Variants in CDC73 observed in about 807,000 individuals in gnomAD.
The protein encoded by CDC73 is parafibromin.
In CDC73, 21 loss-of-function variants were observed where a neutral mutation model predicts 83.7. The observed-to-expected ratio is 0.25, with a 90% CI of 0.18 to 0.36. CDC73 has a LOEUF of 0.36. Ranked by LOEUF, CDC73 falls within the 10% of genes least tolerant of loss-of-function variation. The pLI is 1.00. For missense variants in CDC73, 342 were observed against 653.3 expected, an observed-to-expected ratio of 0.52 and a Z score of 5.19; for synonymous variants, 224 against 212.9, an observed-to-expected ratio of 1.05 and a Z score of -0.45.
intron 10 of CDC73, among the ~76,000 whole-genome samples, chr1:193,173,507 T>C (rs1220267250): frequency 6.6e-6 from 1 of 152,192 alleles, no homozygotes; most frequent in Non-Finnish European, 1.5e-5. Context: ...TAAATAATAT[T>C]GATGTAATCC....
intron 10 of CDC73, chr1:193,180,152 T>C (rs1214960823): frequency 4.1e-6 from 3 of 736,306 alleles, no homozygotes; most frequent in Non-Finnish European, 6.0e-6. Flanking sequence ...AATTAACTTC[T>C]TCAGAAATTA....
At chr1:193,243,142 C>T (rs1233863563) in intron 15 of CDC73, among the ~76,000 whole-genome samples, 1 of 152,040 alleles carries the variant, frequency 6.6e-6, no homozygotes, top group East Asian at 1.9e-4. Context: ...GACGGGGTTT[C>T]ATCATGTTGG....
At chr1:193,153,068 T>C (rs184849271) in intron 10 of CDC73, among the ~76,000 whole-genome samples, 1 of 152,104 alleles carries the variant, frequency 6.6e-6, no homozygotes. Context: ...GTGCCCAGCC[T>C]TGTTTTTAAC....
chr1:193,254,784 A>G lies in CDC73; in HGVS notation c.*4072A>G, dbSNP rs1365881249. 1.3e-5 allele frequency among the ~76,000 whole-genome samples: 2 copies of G among 152,220 alleles called. No homozygotes were observed. Among genetic ancestry groups the G allele is most frequent in the Non-Finnish European group, 2.9e-5 (2 of 68,022 alleles). ...TTTTTATATGAGTAAAGCTAATGAA[A>G]TAAAACTAGTTTTATTGCCAAAATT... On this transcript the variant is annotated 3_prime_UTR_variant, in exon 17 of 17. Transcript: ENST00000367435.
chr1:193,214,439 T>C (rs947397025), intron 13 of CDC73, among the ~76,000 whole-genome samples: 2 of 152,150 alleles, frequency 1.3e-5, no homozygotes, highest in Admixed American at 6.6e-5. Context: ...GATTATTGGC[T>C]GGGCACGGTG....
At chr1:193,187,720 TTC>T (rs1467576225) in intron 10 of CDC73, among the ~76,000 whole-genome samples, 6 of 151,180 alleles carry the variant, frequency 4.0e-5, no homozygotes, top group Non-Finnish European at 8.9e-5. Flanking sequence ...TGAATTTGTT[TTC>T]TCTGATATTA....
chr1:193,170,119 A>C (rs1676495448), intron 10 of CDC73, among the ~76,000 whole-genome samples: 1 of 152,094 alleles, frequency 6.6e-6, no homozygotes, highest in Admixed American at 6.5e-5. Context: ...CCTGCAAAGG[A>C]TATGATCTCA....
chr1:193,230,946 A>G (rs922109805), intron 13 of CDC73, among the ~76,000 whole-genome samples: 1 of 152,210 alleles, frequency 6.6e-6, no homozygotes, highest in Non-Finnish European at 1.5e-5. Context: ...ATACGTAGAT[A>G]TAATCAGAAA....
At chr1:193,161,561 G>A (rs1331713822) in intron 10 of CDC73, among the ~76,000 whole-genome samples, 5 of 121,956 alleles carry the variant, frequency 4.1e-5, no homozygotes, top group South Asian at 2.3e-4. Flanking sequence ...TTATACACAC[G>A]CATATATATA....
chr1:193,230,737 G>A (rs1256319667), intron 13 of CDC73, among the ~76,000 whole-genome samples: 1 of 152,000 alleles, frequency 6.6e-6, no homozygotes, highest in Non-Finnish European at 1.5e-5. Flanking sequence ...CAATCATTGT[G>A]TCTTAGATTT....
chr1:193,207,192 G>A (rs1447118889), intron 11 of CDC73, among the ~76,000 whole-genome samples: 1 of 152,102 alleles, frequency 6.6e-6, no homozygotes, highest in African/African-American at 2.4e-5. Flanking sequence ...ATTTTAAAAA[G>A]GGAGGGGTTT....
intron 13 of CDC73, among the ~76,000 whole-genome samples, chr1:193,221,384 G>T (rs1017201301): frequency 6.6e-6 from 1 of 151,354 alleles, no homozygotes; most frequent in African/African-American, 2.4e-5. Flanking sequence ...GTATTGTGTT[G>T]TTTTTTTGTT....
intron 13 of CDC73, among the ~76,000 whole-genome samples, chr1:193,216,746 C>A (rs973264454): frequency 6.6e-6 from 1 of 152,086 alleles, no homozygotes; most frequent in Non-Finnish European, 1.5e-5. Flanking sequence ...ACTAAAACAC[C>A]CTCATCAAAT....
At chr1:193,210,272 A>T (rs1260919076) in intron 11 of CDC73, among the ~76,000 whole-genome samples, 1 of 152,196 alleles carries the variant, frequency 6.6e-6, no homozygotes, top group African/African-American at 2.4e-5. Context: ...AATTAGTGAA[A>T]ATGTAGCATT....
Position 193,250,815 on chromosome 1 carries a change from T to C in CDC73, c.*103T>C, listed in dbSNP as rs1678032975. 1 of 1,033,406 alleles carries C rather than the reference T, an allele frequency of 9.7e-7. No homozygotes were observed. The highest frequency in any genetic ancestry group is 2.4e-5 in the East Asian group (1 of 40,870). 64.0% of individuals were successfully genotyped at this position (1,033,406 alleles called of 1,614,324 possible). ...CACAGATTGATCTTTTATAAGACCT[T>C]ATTTGATGCTTTGTGCTTCAAGGAG... is the stretch of plus-strand genomic sequence containing the variant. On this transcript the variant is annotated 3_prime_UTR_variant, in exon 17 of 17. Transcript: ENST00000367435.
At chr1:193,129,599 G>A (rs553743848) in intron 2 of CDC73, among the ~76,000 whole-genome samples, 50 of 151,466 alleles carry the variant, frequency 3.3e-4, no homozygotes, top group Non-Finnish European at 3.5e-4. Flanking sequence ...GCCTGTCTCC[G>A]CCTCCTGGGT....
chr1:193,186,881 A>G (rs1211693898), intron 10 of CDC73, among the ~76,000 whole-genome samples: 1 of 151,950 alleles, frequency 6.6e-6, no homozygotes, highest in Admixed American at 6.6e-5. Flanking sequence ...CAGGCTTTCT[A>G]AGTGTTTTCT....
intron 14 of CDC73, among the ~76,000 whole-genome samples, chr1:193,235,533 G>A (rs1433229749): frequency 6.6e-6 from 1 of 152,050 alleles, no homozygotes; most frequent in East Asian, 1.9e-4. Flanking sequence ...AACTGTTTAT[G>A]GCAGTACTTC....
intron 10 of CDC73, among the ~76,000 whole-genome samples, chr1:193,178,664 T>C (rs1676654051): frequency 6.6e-6 from 1 of 152,210 alleles, no homozygotes; most frequent in Non-Finnish European, 1.5e-5. Context: ...TCTGTAGTCA[T>C]ATAGAATAAA....
Sources: allele counts gnomAD v4.1 joint callset (sites outside exome capture counted in the v4.1 genomes callset), GRCh38; gene constraint gnomAD v4.1.1; transcripts MANE v1.5; gene names NCBI Gene and HGNC (gene_info 2026-07-23, HGNC 2026-07-21).